Variants in RASAL2 observed in about 807,000 individuals in gnomAD.
RASAL2 encodes the protein ras GTPase-activating protein nGAP.
In RASAL2, 58 loss-of-function variants were observed where a neutral mutation model predicts 128.9. The observed-to-expected ratio is 0.45, with a 90% CI of 0.36 to 0.56. The LOEUF (loss-of-function observed/expected upper bound fraction) is 0.56. Ranked by LOEUF, RASAL2 falls within the 20% of genes least tolerant of loss-of-function variation. The pLI is 0.00. For missense variants in RASAL2, 1,360 were observed against 1,601.6 expected (o/e 0.85, Z 2.57); for synonymous variants, 561 against 580.8 (o/e 0.97, Z 0.49).
At chr1:178,423,720 G>T (rs556533595) in intron 5 of RASAL2, among the ~76,000 whole-genome samples, 2 of 152,058 alleles carry the variant, frequency 1.3e-5, no homozygotes, top group African/African-American at 4.8e-5. Flanking sequence ...GGGATGGGGG[G>T]GGATTTCTTT....
At chr1:178,377,340 C>T (rs1298211640) in intron 3 of RASAL2, among the ~76,000 whole-genome samples, 2 of 152,000 alleles carry the variant, frequency 1.3e-5, no homozygotes, top group Non-Finnish European at 2.9e-5. Flanking sequence ...TTAGAAATTT[C>T]ACATTAGTGT....
chr1:178,464,831 G>GTTTTTTTTTTTTTTTTT (rs986789340), intron 15 of RASAL2, among the ~76,000 whole-genome samples: 39 of 38,194 alleles, frequency 1.0e-3, no homozygotes, highest in South Asian at 2.9e-3. Context: ...GGTTTTAGTT[G>GTTTTTTTTTTTTTTTTT]TTTTTTTTTT....
At position 178,359,622 on chromosome 1, in the gene RASAL2, C is replaced by G. The variant is rs1026425253; in HGVS notation, c.458-30478C>G. ...AACTATGTGCAGAAAAACTTGGGGTCTCTCTTCATGCCAGCTAATTACACT... is the reference window on the plus strand; with the variant it reads ...AACTATGTGCAGAAAAACTTGGGGTGTCTCTTCATGCCAGCTAATTACACT... On this transcript the variant is annotated intron_variant, in intron 3 of 17. Transcript: ENST00000367649. Among the ~76,000 whole-genome samples the G allele has an allele frequency of 2.4e-4, 36 of 152,290 alleles. 1 individual carries two copies. The highest frequency in any genetic ancestry group is 7.9e-4 in the African/African-American group (33 of 41,562).
At chr1:178,385,078 T>C (rs1672485360) in intron 3 of RASAL2, among the ~76,000 whole-genome samples, 1 of 152,228 alleles carries the variant, frequency 6.6e-6, no homozygotes, top group South Asian at 2.1e-4. Flanking sequence ...GTTAATATGA[T>C]AGACATTTCA....
chr1:178,140,759 T>C (rs1384510539), intron 1 of RASAL2, among the ~76,000 whole-genome samples: 1 of 152,234 alleles, frequency 6.6e-6, no homozygotes, highest in African/African-American at 2.4e-5. Flanking sequence ...AATTTTAAAT[T>C]TGTGAACTCC....
intron 1 of RASAL2, among the ~76,000 whole-genome samples, chr1:178,276,714 G>A (rs902062963): frequency 6.6e-6 from 1 of 151,788 alleles, no homozygotes; most frequent in East Asian, 1.9e-4. Flanking sequence ...TCATCTCCAC[G>A]TAACAACTCT....
chr1:178,394,642 TGTAA>T (rs1673109373), intron 4 of RASAL2, among the ~76,000 whole-genome samples: 1 of 152,214 alleles, frequency 6.6e-6, no homozygotes, highest in Non-Finnish European at 1.5e-5. Flanking sequence ...TGGCCTTTCA[TGTAA>T]GTATAACACA....
intron 16 of RASAL2, 94 bp from the exon 17 acceptor site, chr1:178,467,240 T>A (rs915171229): frequency 5.3e-6 from 5 of 949,040 alleles, no homozygotes; most frequent in Non-Finnish European, 8.3e-6. Flanking sequence ...AGGTGTCTTA[T>A]TAAAAAGGGC....
intron 1 of RASAL2, among the ~76,000 whole-genome samples, chr1:178,189,562 A>G (rs1362175295): frequency 1.3e-5 from 2 of 152,222 alleles, no homozygotes; most frequent in East Asian, 1.9e-4. Context: ...TATTGGAGTG[A>G]TTATATCTAG....
chr1:178,268,597 G>T (rs1666097131), intron 1 of RASAL2, among the ~76,000 whole-genome samples: 1 of 152,044 alleles, frequency 6.6e-6, no homozygotes, highest in African/African-American at 2.4e-5. Context: ...CTCCAGCCTG[G>T]GCAACAAAGC....
At chr1:178,243,899 T>G (rs533936131) in intron 1 of RASAL2, among the ~76,000 whole-genome samples, 29 of 152,226 alleles carry the variant, frequency 1.9e-4, no homozygotes, top group Non-Finnish European at 3.5e-4. Context: ...AGACTTTTTC[T>G]TAATCTTTTG....
At chr1:178,393,926 A>G (rs918088069) in intron 4 of RASAL2, among the ~76,000 whole-genome samples, 4 of 152,240 alleles carry the variant, frequency 2.6e-5, no homozygotes, top group Non-Finnish European at 5.9e-5. Flanking sequence ...TCCCTAGTCA[A>G]ATGGAATATT....
At chr1:178,381,258 G>A (rs1672266717) in intron 3 of RASAL2, among the ~76,000 whole-genome samples, 1 of 152,188 alleles carries the variant, frequency 6.6e-6, no homozygotes, top group South Asian at 2.1e-4. Context: ...GAGTAGGATA[G>A]CTTTAAGCAG....
intron 3 of RASAL2, among the ~76,000 whole-genome samples, chr1:178,362,327 C>A (rs370160725): frequency 1.3e-5 from 2 of 151,916 alleles, no homozygotes; most frequent in African/African-American, 4.8e-5. Flanking sequence ...CCATGGATAC[C>A]GAGAGATTAC....
intron 1 of RASAL2, among the ~76,000 whole-genome samples, chr1:178,277,661 C>G (rs1666589740): frequency 6.6e-6 from 1 of 152,212 alleles, no homozygotes; most frequent in Admixed American, 6.5e-5. Flanking sequence ...CAGATCTATC[C>G]TTCCACAACA....
chr1:178,456,890 C>T lies in RASAL2; in HGVS notation c.2381C>T (p.Pro794Leu). 4 of 1,613,656 alleles carry T rather than the reference C, an allele frequency of 2.5e-6. No homozygotes were observed. Among genetic ancestry groups the T allele is most frequent in the Non-Finnish European group, 3.4e-6 (4 of 1,179,814 alleles). Residue 794 changes from proline to leucine, a missense_variant, in exon 13 of 18, where the codon CCC becomes CTC. This residue lies in a region of RASAL2 where 741 missense variants were observed against 868.6 expected (regional missense o/e 0.85). Coordinates refer to ENST00000367649, the MANE Select transcript of RASAL2 (RefSeq NM_170692.4). Reference sequence around the variant, plus strand: ...GGGCTGCAGAAAATATTTGAAGACCCCACTGACAGGTATGAAAGAGAGAAT... The same window carrying T: ...GGGCTGCAGAAAATATTTGAAGACCTCACTGACAGGTATGAAAGAGAGAAT... ...SSGLQKIFED[P>L]TDSDLHKLKS...
chr1:178,306,347 G>A (rs942986254), intron 3 of RASAL2, among the ~76,000 whole-genome samples: 7 of 152,030 alleles, frequency 4.6e-5, no homozygotes, highest in Non-Finnish European at 1.0e-4. Context: ...GAATAGTGCC[G>A]CAATAAACAT....
At chr1:178,354,876 A>G (rs1161554455) in intron 3 of RASAL2, among the ~76,000 whole-genome samples, 1 of 152,192 alleles carries the variant, frequency 6.6e-6, no homozygotes, top group Non-Finnish European at 1.5e-5. Flanking sequence ...GTTAACTTTT[A>G]CCCTAAATTC....
At chr1:178,358,050 A>G (rs1180316318) in intron 3 of RASAL2, among the ~76,000 whole-genome samples, 2 of 152,000 alleles carry the variant, frequency 1.3e-5, no homozygotes, top group African/African-American at 4.8e-5. Context: ...AGCCTGGCCA[A>G]TGTGGCAAAA....
Sources: allele counts gnomAD v4.1 joint callset (sites outside exome capture counted in the v4.1 genomes callset), GRCh38; gene constraint gnomAD v4.1.1; regional missense constraint gnomAD v4.1.1; transcripts MANE v1.5; gene names NCBI Gene and HGNC (gene_info 2026-07-23, HGNC 2026-07-21).